Variants in EPHA6 observed in about 807,000 individuals in gnomAD.
EPHA6 encodes ephrin type-A receptor 6.
A neutral mutation model predicts 112.0 loss-of-function variants in EPHA6; 50 were observed. The ratio of observed to expected loss-of-function variants is 0.45; its 90% CI spans 0.36 to 0.56. The LOEUF (loss-of-function observed/expected upper bound fraction) is 0.56, where lower values mean the gene tolerates loss of function less well. EPHA6 is among the 20% of genes least tolerant of loss of function. The pLI, the probability that EPHA6 is intolerant of heterozygous loss-of-function variation, is 0.00. For synonymous variants in EPHA6, 529 were observed against 490.7 expected (o/e 1.08, Z -1.03); for missense variants, 1,280 against 1,417.4 (o/e 0.90, Z 1.56).
chr3:97,586,688 T>G (rs2093491720), intron 11 of EPHA6, among the ~76,000 whole-genome samples: 1 of 150,224 alleles, frequency 6.7e-6, no homozygotes, highest in Admixed American at 6.6e-5. Flanking sequence ...AGTACTTAGA[T>G]AGATGGATGG....
chr3:97,329,632 T>C (rs1320996064), intron 5 of EPHA6, among the ~76,000 whole-genome samples: 21 of 152,214 alleles, frequency 1.4e-4, no homozygotes. Flanking sequence ...GAAGTGTCTG[T>C]TCATATCCTT....
intron 1 of EPHA6, among the ~76,000 whole-genome samples, chr3:96,858,058 T>TG (rs1158030948): frequency 6.6e-6 from 1 of 150,902 alleles, no homozygotes; most frequent in Admixed American, 6.6e-5. Flanking sequence ...AGAAAGGGGG[T>TG]GGGGGAATCA....
chr3:97,286,319 T>C (rs1479396665), intron 5 of EPHA6, among the ~76,000 whole-genome samples: 1 of 152,220 alleles, frequency 6.6e-6, no homozygotes, highest in East Asian at 1.9e-4. Context: ...GCTAGACCAA[T>C]GCAATGAAAT....
At chr3:97,720,702 CAAGT>C (rs934515391) in intron 15 of EPHA6, among the ~76,000 whole-genome samples, 1 of 152,142 alleles carries the variant, frequency 6.6e-6, no homozygotes, top group African/African-American at 2.4e-5. Flanking sequence ...CCTTGACCTA[CAAGT>C]AAGACAAAAG....
At chr3:97,184,912 A>G (rs1460523179) in intron 3 of EPHA6, among the ~76,000 whole-genome samples, 3 of 152,198 alleles carry the variant, frequency 2.0e-5, no homozygotes, top group African/African-American at 2.4e-5. Context: ...ATAATGCCAC[A>G]TATCTACAAC....
intron 3 of EPHA6, among the ~76,000 whole-genome samples, chr3:97,069,796 CA>C (rs1402192663): frequency 1.3e-5 from 2 of 151,966 alleles, no homozygotes; most frequent in Non-Finnish European, 2.9e-5. Flanking sequence ...ACATTTAAAG[CA>C]GTTACTAATA....
chr3:97,586,535 A>G (rs1002596014), intron 11 of EPHA6, among the ~76,000 whole-genome samples: 1 of 152,046 alleles, frequency 6.6e-6, no homozygotes, highest in Non-Finnish European at 1.5e-5. Context: ...GTTATAAATT[A>G]CTATAACTAA....
At chr3:97,288,518 A>T (rs2317889) in intron 5 of EPHA6, among the ~76,000 whole-genome samples, 34,262 of 151,992 alleles carry the variant, frequency 0.23, 9,062 homozygotes, top group African/African-American at 0.63. Context: ...CTTATCTTGC[A>T]GTTTTGAATA....
chr3:97,332,108 CA>C (rs2082830188), intron 5 of EPHA6, among the ~76,000 whole-genome samples: 1 of 152,144 alleles, frequency 6.6e-6, no homozygotes, highest in Non-Finnish European at 1.5e-5. Flanking sequence ...TCAACATACA[CA>C]AATCAATAAA....
At chr3:97,541,786 A>C (rs1470795002) in intron 11 of EPHA6, among the ~76,000 whole-genome samples, 1 of 126,498 alleles carries the variant, frequency 7.9e-6, no homozygotes, top group Non-Finnish European at 1.7e-5. Flanking sequence ...TTTAATTTTT[A>C]AAAATAATTT....
At chr3:97,436,295 T>A (rs1357338590) in intron 6 of EPHA6, among the ~76,000 whole-genome samples, 5 of 152,132 alleles carry the variant, frequency 3.3e-5, no homozygotes, top group Non-Finnish European at 7.4e-5. Context: ...ATTTCTTGAA[T>A]CCTTTGTAGC....
chr3:97,080,195 C>T lies in EPHA6; in HGVS notation c.1114+92202C>T, dbSNP rs141842091. Among the ~76,000 whole-genome samples the T allele has an allele frequency of 1.7e-3, 251 of 152,036 alleles. 1 individual carries two copies. Among genetic ancestry groups the T allele is most frequent in the African/African-American group, 5.5e-3 (228 of 41,480 alleles). The stretch of plus-strand genomic sequence containing the variant: ...ATATCTGTATTAGCACTGCACTTAC[C>T]GAAATAATGTAACCTTCCCAGACCT... On this transcript the variant is annotated intron_variant, in intron 3 of 17. Transcript: ENST00000389672.
At chr3:97,624,265 T>A (rs891199445) in intron 13 of EPHA6, among the ~76,000 whole-genome samples, 2 of 151,708 alleles carry the variant, frequency 1.3e-5, no homozygotes, top group African/African-American at 2.4e-5. Flanking sequence ...ATGAGTTTTG[T>A]CAAATGTTTT....
intron 2 of EPHA6, among the ~76,000 whole-genome samples, chr3:96,899,278 C>T (rs555937947): frequency 1.0e-3 from 158 of 152,232 alleles, no homozygotes; most frequent in African/African-American, 3.5e-3. Flanking sequence ...CTATGTATAT[C>T]TGTGTCTTCA....
chr3:97,559,066 C>T (rs1382947967), intron 11 of EPHA6, among the ~76,000 whole-genome samples: 1 of 151,894 alleles, frequency 6.6e-6, no homozygotes, highest in Non-Finnish European at 1.5e-5. Flanking sequence ...GAGTGCATAG[C>T]ATGCATAAAG....
At chr3:96,929,596 G>T (rs79089968) in intron 2 of EPHA6, among the ~76,000 whole-genome samples, 1 of 152,152 alleles carries the variant, frequency 6.6e-6, no homozygotes, top group African/African-American at 2.4e-5. Flanking sequence ...GAGGTCTGCC[G>T]TTCGTCTGTT....
intron 11 of EPHA6, among the ~76,000 whole-genome samples, chr3:97,589,163 CTT>C (rs1184809574): frequency 8.4e-5 from 12 of 143,606 alleles, no homozygotes; most frequent in Admixed American, 7.0e-5. Flanking sequence ...CTTTTCTTCT[CTT>C]TTTTTTTTTT....
intron 3 of EPHA6, among the ~76,000 whole-genome samples, chr3:97,225,448 T>G (rs894020159): frequency 2.6e-5 from 4 of 152,244 alleles, no homozygotes; most frequent in Non-Finnish European, 5.9e-5. Context: ...ACTTCAATTA[T>G]GAAAATGTTA....
intron 5 of EPHA6, among the ~76,000 whole-genome samples, chr3:97,272,806 T>G (rs747838044): frequency 6.6e-6 from 1 of 152,140 alleles, no homozygotes; most frequent in Non-Finnish European, 1.5e-5. Context: ...GCCATCTGGA[T>G]GTGTACGTGC....
Sources: allele counts gnomAD v4.1 joint callset (sites outside exome capture counted in the v4.1 genomes callset), GRCh38; gene constraint gnomAD v4.1.1; transcripts MANE v1.5; gene names NCBI Gene and HGNC (gene_info 2026-07-23, HGNC 2026-07-21).